The following ITGAV variants were observed in gnomAD, a reference collection of about 807,000 sequenced individuals.
ITGAV encodes integrin alpha-V.
ITGAV carries 76 observed loss-of-function variants against 143.8 expected under a neutral mutation model. The observed-to-expected ratio is 0.53, with a 90% CI of 0.44 to 0.64. ITGAV has a LOEUF of 0.64. Among genes scored for constraint, ITGAV ranks in the 30% least tolerant of loss-of-function variants. ITGAV has a pLI of 0.00. For missense variants in ITGAV, 1,193 were observed against 1,274.7 expected, an observed-to-expected ratio of 0.94 and a Z score of 0.98; for synonymous variants, 453 against 446.7, an observed-to-expected ratio of 1.01 and a Z score of -0.18.
intron 1 of ITGAV, among the ~76,000 whole-genome samples, chr2:186,599,740 A>G (rs1197306536): frequency 6.6e-6 from 1 of 152,210 alleles, no homozygotes; most frequent in Non-Finnish European, 1.5e-5. Context: ...TCCTGTAAGT[A>G]CTTAATCTGC....
chr2:186,638,297 A>G lies in ITGAV; in HGVS notation c.823A>G (p.Arg275Gly). Residue 275 changes from arginine to glycine, a missense_variant, in exon 9 of 30, where the codon AGA (arginine) becomes GGA (glycine). Arg to Gly is a moderately radical substitution (Grantham distance 125, BLOSUM62 -2). Coordinates refer to ENST00000261023, the MANE Select transcript of ITGAV (RefSeq NM_002210.5). Reference protein sequence around the residue: ...GIDDFVSGVPRAARTLGMVYI... With the variant: ...GIDDFVSGVPGAARTLGMVYI... ...TTCAGACTTTGTTTCAGGAGTTCCA[A>G]GAGCAGCAAGGACTTTGGGAATGGT... is the stretch of plus-strand genomic sequence containing the variant. 1 of 1,614,024 alleles carries G rather than the reference A, an allele frequency of 6.2e-7. No homozygotes were observed.
chr2:186,673,532 T>A (rs1255246143), intron 26 of ITGAV, among the ~76,000 whole-genome samples: 1 of 152,110 alleles, frequency 6.6e-6, no homozygotes, highest in Non-Finnish European at 1.5e-5. Flanking sequence ...TTCATGAACA[T>A]GGTATGTCTT....
Position 186,598,886 on chromosome 2 carries a change from A to C in ITGAV, c.186-3135A>C, listed in dbSNP as rs576838966. Among the ~76,000 whole-genome samples the C allele has an allele frequency of 1.1e-4, 17 of 152,198 alleles. No homozygotes were observed. In the South Asian group the frequency reaches 3.3e-3, roughly 30 times the overall value. On this transcript the variant is annotated intron_variant, in intron 1 of 29. Transcript: ENST00000261023. ...TTAAATAGGGCGTGGTTTGGTTGGG[A>C]GTTACGTCTTTATTTTGAATTTGTG...
Position 186,638,157 on chromosome 2 carries a change from T to G in ITGAV, c.803-120T>G, listed in dbSNP as rs1175372452. On this transcript the variant is annotated intron_variant, in intron 8 of 29. Transcript: ENST00000261023. ...ATTACGGAGTACCAATTTTTCTAAA[T>G]TGATTGTTTGTTTTGAACTGAAGTA... The G allele has an allele frequency of 3.7e-6, 3 of 801,626 alleles. No homozygotes were observed. The South Asian group carries it at 5.0e-5, about 13-fold the overall frequency. 49.7% of individuals were successfully genotyped at this position (801,626 alleles called of 1,614,324 possible). A position where few individuals can be genotyped will look rare whatever the true frequency, so the allele number is the denominator to read the frequency against.
At chr2:186,622,292 A>AT (rs1385415022) in intron 2 of ITGAV, 47 bp from the exon 3 acceptor site, 2 of 1,269,888 alleles carry the variant, frequency 1.6e-6, no homozygotes, top group Non-Finnish European at 2.3e-6. Flanking sequence ...CTGTTATATT[A>AT]AGAATAGTAT....
At chr2:186,593,964 A>G (rs1291426611) in intron 1 of ITGAV, among the ~76,000 whole-genome samples, 2 of 152,254 alleles carry the variant, frequency 1.3e-5, no homozygotes, top group East Asian at 1.9e-4. Flanking sequence ...AAATAATGCT[A>G]TAATGAATGA....
At chr2:186,611,861 A>G (rs879745992) in intron 2 of ITGAV, among the ~76,000 whole-genome samples, 1 of 152,102 alleles carries the variant, frequency 6.6e-6, no homozygotes, top group African/African-American at 2.4e-5. Flanking sequence ...GCTTGAGTCC[A>G]GGAATTTGAG....
chr2:186,613,906 A>C (rs1467294066), intron 2 of ITGAV, among the ~76,000 whole-genome samples: 1 of 152,098 alleles, frequency 6.6e-6, no homozygotes, highest in Non-Finnish European at 1.5e-5. Context: ...TAATTCTATA[A>C]CATAGAATAG....
chr2:186,606,592 A>G (rs1292831154), intron 2 of ITGAV, among the ~76,000 whole-genome samples: 1 of 152,078 alleles, frequency 6.6e-6, no homozygotes, highest in African/African-American at 2.4e-5. Context: ...TATCCCTGCT[A>G]CATTCTCCCT....
At chr2:186,631,702 T>G (rs1008718569) in intron 5 of ITGAV, among the ~76,000 whole-genome samples, 1 of 152,196 alleles carries the variant, frequency 6.6e-6, no homozygotes, top group Non-Finnish European at 1.5e-5. Flanking sequence ...TGAAATAATA[T>G]GATGCATAAG....
chr2:186,676,208 T>C (rs1242159003), intron 28 of ITGAV: 3 of 264,856 alleles, frequency 1.1e-5, no homozygotes, highest in Non-Finnish European at 2.1e-5. Context: ...GTTTACAAAG[T>C]TAGAAAGTTG....
intron 17 of ITGAV, among the ~76,000 whole-genome samples, chr2:186,657,574 C>T (rs955284811): frequency 1.3e-5 from 2 of 151,890 alleles, no homozygotes; most frequent in South Asian, 2.1e-4. Context: ...GCTATCACAA[C>T]AGTAGAATGT....
At chr2:186,602,308 T>A (rs1686933074) in intron 2 of ITGAV, among the ~76,000 whole-genome samples, 157 bp downstream of exon 2, 1 of 152,198 alleles carries the variant, frequency 6.6e-6, no homozygotes, top group Non-Finnish European at 1.5e-5. Context: ...ATTATATGAT[T>A]TTTTCCTACA....
At chr2:186,665,071 T>A in intron 20 of ITGAV, 55 bp from the exon 21 acceptor site, 1 of 1,119,992 alleles carries the variant, frequency 8.9e-7, no homozygotes, top group Non-Finnish European at 1.3e-6. Flanking sequence ...TCCAACTGCG[T>A]GATACTTTAT....
intron 25 of ITGAV, 94 bp from the exon 26 acceptor site, chr2:186,669,606 AT>A: frequency 1.2e-6 from 1 of 804,846 alleles, no homozygotes; most frequent in Admixed American, 2.6e-5. Context: ...TTCATTCACT[AT>A]TTTTTAATCA....
rs990280176 is a variant in ITGAV at position 186,679,611 on chromosome 2, A to G, written c.*2319A>G. The stretch of plus-strand genomic sequence containing the variant: ...ATTGAGAATAAAAATCCATTTTGAA[A>G]TGTAAAATTTTTATGATCTGATTCA... On this transcript the variant is annotated 3_prime_UTR_variant, in exon 30 of 30. Coordinates refer to ENST00000261023, the MANE Select transcript of ITGAV (RefSeq NM_002210.5). 1 of 151,966 alleles carries G rather than the reference A, an allele frequency of 6.6e-6. No individual in the cohort carries two copies. The highest frequency in any genetic ancestry group is 1.5e-5 in the Non-Finnish European group (1 of 67,878). 9.4% of individuals were successfully genotyped at this position (151,966 alleles called of 1,614,324 possible). A position where few individuals can be genotyped will look rare whatever the true frequency, so the allele number is the denominator to read the frequency against.
intron 6 of ITGAV, among the ~76,000 whole-genome samples, chr2:186,634,744 A>G (rs1687907548): frequency 6.6e-6 from 1 of 152,218 alleles, no homozygotes; most frequent in Non-Finnish European, 1.5e-5. Context: ...ACTGTTTTAA[A>G]ACAAAAATAG....
intron 1 of ITGAV, among the ~76,000 whole-genome samples, chr2:186,595,431 T>A (rs905218763): frequency 6.6e-6 from 1 of 152,170 alleles, no homozygotes; most frequent in Admixed American, 6.5e-5. Flanking sequence ...CCTGATTGGT[T>A]CCTCTGAGCC....
At chr2:186,663,896 A>G (rs1280354393) in intron 19 of ITGAV, 61 bp downstream of exon 19, 5 of 1,129,176 alleles carry the variant, frequency 4.4e-6, no homozygotes, top group East Asian at 2.4e-5. Context: ...ACATTTTTCT[A>G]TTCAAAGGAC....
Sources: gnomAD v4.1 joint callset for allele counts (sites outside exome capture counted in the v4.1 genomes callset) on GRCh38, gnomAD v4.1.1 for gene constraint, MANE v1.5 for transcripts, NCBI Gene and HGNC (gene_info 2026-07-23, HGNC 2026-07-21) for gene names.